SH3PXD2A: variants seen among roughly 807,000 people sequenced by gnomAD.
The protein encoded by SH3PXD2A is SH3 and PX domains 2A.
SH3PXD2A carries 32 observed loss-of-function variants against 115.2 expected under a neutral mutation model. The ratio of observed to expected loss-of-function variants is 0.28; its 90% CI spans 0.21 to 0.37. The LOEUF is 0.37. Ranked by LOEUF, SH3PXD2A falls within the 10% of genes least tolerant of loss-of-function variation. SH3PXD2A has a pLI of 1.00. For missense variants in SH3PXD2A, 1,328 were observed against 1,498.7 expected, an observed-to-expected ratio of 0.89 and a Z score of 1.88; for synonymous variants, 610 against 629.1, an observed-to-expected ratio of 0.97 and a Z score of 0.45.
At chr10:103,674,154 G>A (rs966284485) in intron 6 of SH3PXD2A, among the ~76,000 whole-genome samples, 1 of 152,080 alleles carries the variant, frequency 6.6e-6, no homozygotes, top group Non-Finnish European at 1.5e-5. Context: ...CAGACTCCAC[G>A]TTTCTTTTCC....
intron 5 of SH3PXD2A, 80 bp downstream of exon 5, chr10:103,724,190 C>A (rs1019840395): frequency 2.3e-5 from 15 of 651,030 alleles, no homozygotes; most frequent in Non-Finnish European, 3.7e-5. Flanking sequence ...TGTGTTCCCA[C>A]AGCCTCAGCC....
rs1564884214 is a variant in SH3PXD2A, at chr10:103,767,825, T to TTTTTG, written c.154-657_154-656insCAAAA. On this transcript the variant is annotated intron_variant, in intron 2 of 14. Transcript: ENST00000369774. ...CAACTGTTTTGTTTTTTTTTTTTTT[T>TTTTTG]TTTTTTTTTGCTATTCTGGACTGAA... Among the ~76,000 whole-genome samples, 86 of 141,480 alleles carry TTTTTG rather than the reference T, an allele frequency of 6.1e-4. 2 individuals carry two copies. The highest frequency in any genetic ancestry group is 2.0e-3 in the African/African-American group (77 of 39,156). 92.8% of individuals were successfully genotyped at this position (141,480 alleles called of 152,430 possible).
intron 5 of SH3PXD2A, among the ~76,000 whole-genome samples, chr10:103,718,635 G>T (rs529546692): frequency 6.6e-6 from 1 of 152,158 alleles, no homozygotes; most frequent in Admixed American, 6.5e-5. Context: ...CATCACCTTC[G>T]TGGGTGGCCT....
At chr10:103,740,449 T>A (rs2038432269) in intron 3 of SH3PXD2A, among the ~76,000 whole-genome samples, 1 of 152,266 alleles carries the variant, frequency 6.6e-6, no homozygotes, top group Non-Finnish European at 1.5e-5. Flanking sequence ...AGGGCTCTTC[T>A]TGGGAAAGCG....
intron 13 of SH3PXD2A, among the ~76,000 whole-genome samples, chr10:103,608,161 A>AAAAAAAGTTTAC (rs2036359875): frequency 6.9e-6 from 1 of 145,594 alleles, no homozygotes; most frequent in Non-Finnish European, 1.5e-5. Context: ...AAAAAAAAAA[A>AAAAAAAGTTTAC]AAAAAAAAAG....
chr10:103,602,801 G>A lies in SH3PXD2A; in HGVS notation c.2417C>T (p.Thr806Met), dbSNP rs1167375308. Residue 806 changes from threonine to methionine, a missense_variant, in exon 15 of 15, where the codon ACG (threonine) becomes ATG (methionine). Thr to Met is a moderately conservative substitution (Grantham distance 81, BLOSUM62 -1). Coordinates refer to ENST00000369774, the MANE Select transcript of SH3PXD2A (RefSeq NM_001394015.1). ...CCCCTCACTGGGAGCCTCGGAGGCC[G>A]TCTGCGGGGGCAGCTCCGAATCCTC... is the stretch of plus-strand genomic sequence containing the variant. ...KSEDSELPPQTASEAPSEGSR... is the reference protein window; with the variant it reads ...KSEDSELPPQMASEAPSEGSR... 35 of 1,614,022 alleles carry A rather than the reference G, an allele frequency of 2.2e-5. No individual in the cohort carries two copies. Among genetic ancestry groups the A allele is most frequent in the Non-Finnish European group, 2.8e-5 (33 of 1,180,034 alleles).
chr10:103,787,077 T>C (rs1192395566), intron 2 of SH3PXD2A, among the ~76,000 whole-genome samples: 1 of 152,156 alleles, frequency 6.6e-6, no homozygotes, highest in Admixed American at 6.5e-5. Flanking sequence ...TTGCATCCGA[T>C]TCACTTATCA....
chr10:103,720,157 G>C (rs1078287), intron 5 of SH3PXD2A, among the ~76,000 whole-genome samples: 63,202 of 152,164 alleles, frequency 0.42, 13,936 homozygotes, highest in African/African-American at 0.57. Flanking sequence ...GCTGTGTCCT[G>C]CCATGGCAGA....
At chr10:103,670,129 C>T (rs977515079) in intron 6 of SH3PXD2A, among the ~76,000 whole-genome samples, 3 of 152,180 alleles carry the variant, frequency 2.0e-5, no homozygotes, top group South Asian at 2.1e-4. Flanking sequence ...AAGCCACCTT[C>T]CAATTGCAGG....
At chr10:103,801,669 T>A (rs1433142118) in intron 1 of SH3PXD2A, among the ~76,000 whole-genome samples, 1 of 152,192 alleles carries the variant, frequency 6.6e-6, no homozygotes, top group Non-Finnish European at 1.5e-5. Context: ...TTGTATATAT[T>A]TCATACAATA....
chr10:103,704,999 G>T (rs908345440), intron 5 of SH3PXD2A, among the ~76,000 whole-genome samples: 1 of 152,110 alleles, frequency 6.6e-6, no homozygotes, highest in Non-Finnish European at 1.5e-5. Context: ...GTAGCAGGGG[G>T]GCCATCCAGG....
At chr10:103,800,266 G>A (rs2039134933) in intron 2 of SH3PXD2A, among the ~76,000 whole-genome samples, 1 of 152,158 alleles carries the variant, frequency 6.6e-6, no homozygotes, top group African/African-American at 2.4e-5. Context: ...GGCCATGTCT[G>A]TGCTAAAAGA....
rs538972935 is a variant in SH3PXD2A at position 103,831,051 on chromosome 10, G to A, written c.72+24144C>T. Among the ~76,000 whole-genome samples, 13 of 152,358 alleles carry A rather than the reference G, an allele frequency of 8.5e-5. No homozygotes were observed. The South Asian group carries it at 2.7e-3, about 32-fold the overall frequency. On this transcript the variant is annotated intron_variant, in intron 1 of 14. Coordinates refer to ENST00000369774, the MANE Select transcript of SH3PXD2A (RefSeq NM_001394015.1). ...CAGGTGCGAAGCATCCTTCCAGTCT[G>A]TGTTTGCATGCTTTTACTACAAACA... is the stretch of plus-strand genomic sequence containing the variant.
intron 4 of SH3PXD2A, among the ~76,000 whole-genome samples, chr10:103,729,038 G>A (rs1336190040): frequency 6.6e-6 from 1 of 152,030 alleles, no homozygotes; most frequent in African/African-American, 2.4e-5. Context: ...GGATTTACAG[G>A]CACGTGCCAC....
In SH3PXD2A at chr10:103,602,560, C is replaced by T. The variant is rs1592255367; in HGVS notation, c.2658G>A (p.Glu886=). 5.0e-6 allele frequency: 8 copies of T among 1,614,192 alleles called. No homozygotes were observed. In the South Asian group the frequency reaches 8.8e-5, roughly 18 times the overall value. Residue 886 remains glutamate, a synonymous_variant, in exon 15 of 15, where the codon GAG becomes GAA. Coordinates refer to ENST00000369774, the MANE Select transcript of SH3PXD2A (RefSeq NM_001394015.1). The part of the protein sequence containing the change: ...GWWYVRFGEL[E]GWAPSHYLVL... Reference sequence around the variant, plus strand: ...CCAAATAGTGGGAAGGGGCCCAGCCCTCCAGCTCCCCAAACCTCACATACC... The same window carrying T: ...CCAAATAGTGGGAAGGGGCCCAGCCTTCCAGCTCCCCAAACCTCACATACC...
intron 8 of SH3PXD2A, among the ~76,000 whole-genome samples, chr10:103,628,431 C>T (rs927240001): frequency 2.6e-5 from 4 of 152,006 alleles, no homozygotes; most frequent in African/African-American, 4.8e-5. Context: ...AGTCTGGACT[C>T]TTGAGGTCCA....
intron 8 of SH3PXD2A, among the ~76,000 whole-genome samples, chr10:103,655,413 A>C (rs767484159): frequency 6.6e-6 from 1 of 152,198 alleles, no homozygotes; most frequent in Non-Finnish European, 1.5e-5. Context: ...TTATAATAGT[A>C]ATCAGGTGGT....
At chr10:103,763,752 C>T (rs944431788) in intron 3 of SH3PXD2A, among the ~76,000 whole-genome samples, 13 of 152,196 alleles carry the variant, frequency 8.5e-5, no homozygotes, top group Admixed American at 5.9e-4. Flanking sequence ...TGCATGCCCC[C>T]GGCCATGAGA....
At chr10:103,790,254 A>G (rs1022409988) in intron 2 of SH3PXD2A, among the ~76,000 whole-genome samples, 3 of 151,518 alleles carry the variant, frequency 2.0e-5, no homozygotes, top group Non-Finnish European at 4.4e-5. Context: ...TCCCGGGTTC[A>G]AGCCATTCTC....
Sources: allele counts gnomAD v4.1 joint callset (sites outside exome capture counted in the v4.1 genomes callset), GRCh38; gene constraint gnomAD v4.1.1; transcripts MANE v1.5; gene names NCBI Gene and HGNC (gene_info 2026-07-23, HGNC 2026-07-21).